Variants in EWSR1 observed in about 807,000 individuals in gnomAD.
EWSR1 encodes EWS RNA binding protein 1, also known as RNA-binding protein EWS.
A neutral mutation model predicts 92.1 loss-of-function variants in EWSR1; 14 were observed. The ratio of observed to expected loss-of-function variants is 0.15; its 90% CI spans 0.10 to 0.24. The LOEUF is 0.24. Among genes scored for constraint, EWSR1 ranks in the 10% least tolerant of loss-of-function variants. The probability of loss-of-function intolerance (pLI) is 1.00; values close to 1 mark genes in which losing one functional copy is unlikely to be tolerated. For synonymous variants in EWSR1, 303 were observed against 292.9 expected (o/e 1.03, Z -0.35); for missense variants, 637 against 870.9 (o/e 0.73, Z 3.38).
chr22:29,297,702 A>G (rs2060975824), intron 12 of EWSR1, 125 bp from the exon 13 acceptor site: 3 of 1,342,104 alleles, frequency 2.2e-6, no homozygotes, highest in South Asian at 1.4e-5. Context: ...TGGCCTTGTC[A>G]TTAAAGATCT....
In EWSR1 at chr22:29,271,516, A is replaced by T. The variant is rs143190004; in HGVS notation, c.14-700A>T. Among the ~76,000 whole-genome samples, 8 of 152,278 alleles carry T rather than the reference A, an allele frequency of 5.3e-5. No homozygotes were observed. In the South Asian group the frequency reaches 1.7e-3, roughly 32 times the overall value. ...TGTATGAAAGACAATGGTGTTACCA[A>T]ATTTTTCCCAGAAAGACTAAATGCT... On this transcript the variant is annotated intron_variant, in intron 1 of 16. Transcript: ENST00000397938.
intron 8 of EWSR1, chr22:29,290,447 C>T (rs1360244933): frequency 6.2e-7 from 1 of 1,613,386 alleles, no homozygotes; most frequent in Non-Finnish European, 8.5e-7. Flanking sequence ...CACTTCAATA[C>T]TTAAAAAGTA....
intron 16 of EWSR1, 116 bp from the exon 17 acceptor site, chr22:29,300,005 TC>T: frequency 6.5e-6 from 7 of 1,081,398 alleles, no homozygotes; most frequent in Non-Finnish European, 4.0e-6. Context: ...TGGAAGGGCT[TC>T]CTCACCCCTT....
rs2060867603 is a variant in EWSR1 at position 29,296,453 on chromosome 22, A to C, written c.1294+85A>C. On this transcript the variant is annotated intron_variant, in intron 12 of 16. Coordinates refer to ENST00000397938, the MANE Select transcript of EWSR1 (RefSeq NM_005243.4). ...AAACTTGTGAACCATAGGAGCAAGA[A>C]GACCTTCCATCTCTTCCTGGGGGAG... 5 of 1,526,980 alleles carry C rather than the reference A, an allele frequency of 3.3e-6. No individual in the cohort carries two copies. The South Asian group carries it at 3.6e-5, about 11-fold the overall frequency. The allele number at this position is 1,526,980 out of a possible 1,614,324, so 94.6% of individuals were successfully genotyped here.
chr22:29,300,394 A>G lies in EWSR1; in HGVS notation c.*233A>G, dbSNP rs1276653606. The G allele has an allele frequency of 1.1e-5, 5 of 464,964 alleles. No homozygotes were observed. The highest frequency in any genetic ancestry group is 1.9e-5 in the Non-Finnish European group (5 of 258,172). 28.8% of individuals were successfully genotyped at this position (464,964 alleles called of 1,614,324 possible). ...AAAATGGTTGTTTAAGACTTTAACA[A>G]TGGGAACCCCTTGTGAGCATGCTCA... is the stretch of plus-strand genomic sequence containing the variant. On this transcript the variant is annotated 3_prime_UTR_variant, in exon 17 of 17. Transcript: ENST00000397938.
chr22:29,275,370 G>A (rs771759882), intron 4 of EWSR1, among the ~76,000 whole-genome samples: 5 of 152,142 alleles, frequency 3.3e-5, no homozygotes, highest in African/African-American at 7.2e-5. Flanking sequence ...TCACATTGTC[G>A]TTGGTTGAGA....
Position 29,300,431 on chromosome 22 carries a change from G to T in EWSR1, c.*270G>T. On this transcript the variant is annotated 3_prime_UTR_variant, in exon 17 of 17. Coordinates refer to ENST00000397938, the MANE Select transcript of EWSR1 (RefSeq NM_005243.4). ...TGTGAGCATGCTCAGTATCATTGTG[G>T]AGAACCAAGAGGGCCTCTTAACTGT... 1 of 367,428 alleles carries T rather than the reference G, an allele frequency of 2.7e-6. No individual in the cohort carries two copies. The highest frequency in any genetic ancestry group is 4.9e-6 in the Non-Finnish European group (1 of 205,534). The allele number at this position is 367,428 out of a possible 1,614,324, so 22.8% of individuals were successfully genotyped here.
intron 8 of EWSR1, chr22:29,290,948 C>G (rs1374244318): frequency 4.2e-6 from 1 of 238,416 alleles, no homozygotes; most frequent in African/African-American, 2.2e-5. Context: ...AGTTGCACCC[C>G]CAGTCCGTTG....
At position 29,288,479 on chromosome 22, in the gene EWSR1, G is replaced by T. The variant is rs527688437; in HGVS notation, c.794-127G>T. 3.0e-4 allele frequency: 242 copies of T among 809,024 alleles called. 1 individual carries two copies. The highest frequency in any genetic ancestry group is 4.1e-4 in the Admixed American group (13 of 31,572). 50.1% of individuals were successfully genotyped at this position (809,024 alleles called of 1,614,324 possible). A position where few individuals can be genotyped will look rare whatever the true frequency, so the allele number is the denominator to read the frequency against. On this transcript the variant is annotated intron_variant, in intron 7 of 16. Coordinates refer to ENST00000397938, the MANE Select transcript of EWSR1 (RefSeq NM_005243.4). ...GCCTACCTATTAAGGATGCTTTATC[G>T]TGATGTAAAGAAGATGGTGCCTTGG...
intron 12 of EWSR1, 33 bp downstream of exon 12, chr22:29,296,401 C>T (rs1425824882): frequency 1.2e-6 from 2 of 1,611,498 alleles, no homozygotes; most frequent in Admixed American, 1.7e-5. Flanking sequence ...CTTAATCTCC[C>T]TGGCTATAGA....
At chr22:29,289,975 T>A in intron 8 of EWSR1, 1 of 232,290 alleles carries the variant, frequency 4.3e-6, no homozygotes, top group Non-Finnish European at 8.5e-6. Context: ...AAAATAGACA[T>A]AGACACTTGA....
chr22:29,288,298 T>G (rs1232613266), intron 7 of EWSR1, among the ~76,000 whole-genome samples: 3 of 152,242 alleles, frequency 2.0e-5, no homozygotes, highest in East Asian at 3.8e-4. Flanking sequence ...CAAAAGAAGC[T>G]GCTTTTGGAG....
chr22:29,293,994 G>C (rs981095528), intron 11 of EWSR1, among the ~76,000 whole-genome samples: 1 of 151,832 alleles, frequency 6.6e-6, no homozygotes, highest in African/African-American at 2.4e-5. Flanking sequence ...TCAGCCTCCC[G>C]AGTAGCTGGA....
In EWSR1 at chr22:29,297,921, C is replaced by T; in HGVS notation, c.1389C>T (p.Gly463=). 3 of 1,614,018 alleles carry T rather than the reference C, an allele frequency of 1.9e-6. No homozygotes were observed. Among genetic ancestry groups the T allele is most frequent in the Non-Finnish European group, 2.5e-6 (3 of 1,179,968 alleles). ...GGGGTGGTCTGCCACCCCGTGAGGG[C>T]AGAGGCATGCCACCACCACTCCGTG... The part of the protein sequence containing the change: ...SMRGGLPPRE[G]RGMPPPLRGG... Residue 463 remains glycine, a synonymous_variant, in exon 13 of 17, where the codon GGC becomes GGT. Coordinates refer to ENST00000397938, the MANE Select transcript of EWSR1 (RefSeq NM_005243.4).
intron 6 of EWSR1, among the ~76,000 whole-genome samples, chr22:29,283,988 C>T (rs2059821774): frequency 6.6e-6 from 1 of 151,294 alleles, no homozygotes; most frequent in African/African-American, 2.5e-5. Context: ...ACAGACGCCA[C>T]CACAACCGGC....
At chr22:29,272,837 G>T (rs941847401) in intron 3 of EWSR1, among the ~76,000 whole-genome samples, 8 of 152,220 alleles carry the variant, frequency 5.3e-5, no homozygotes, top group African/African-American at 1.9e-4. Context: ...AAGTGGCGGG[G>T]TTAGCTCTAA....
chr22:29,270,266 A>C (rs571593739), intron 1 of EWSR1, among the ~76,000 whole-genome samples: 1 of 152,200 alleles, frequency 6.6e-6, no homozygotes, highest in Non-Finnish European at 1.5e-5. Context: ...CGTAAAGCAT[A>C]TATATCCAGT....
At chr22:29,296,436 G>GA in intron 12 of EWSR1, 68 bp downstream of exon 12, 1 of 1,582,738 alleles carries the variant, frequency 6.3e-7, no homozygotes, top group Non-Finnish European at 8.6e-7. Context: ...AGAAACTTGT[G>GA]AACCATAGGA....
chr22:29,277,801 G>A (rs1224822523), intron 4 of EWSR1: 6 of 494,614 alleles, frequency 1.2e-5, no homozygotes, highest in East Asian at 3.2e-5. Context: ...TTTCTGTTAG[G>A]TGTGGTTTTA....
Sources: allele counts gnomAD v4.1 joint callset (sites outside exome capture counted in the v4.1 genomes callset), GRCh38; gene constraint gnomAD v4.1.1; transcripts MANE v1.5; gene names NCBI Gene and HGNC (gene_info 2026-07-23, HGNC 2026-07-21).